The following FBXL7 variants were observed in gnomAD, a reference collection of about 807,000 sequenced individuals.
FBXL7 encodes F-box and leucine rich repeat protein 7, also known as F-box/LRR-repeat protein 7.
A neutral mutation model predicts 38.3 loss-of-function variants in FBXL7; 12 were observed. The observed-to-expected ratio is 0.31, with a 90% confidence interval of 0.20 to 0.51. The LOEUF is 0.51. Ranked by LOEUF, FBXL7 falls within the 20% of genes least tolerant of loss-of-function variation. The probability of loss-of-function intolerance (pLI) is 0.98; values close to 1 mark genes in which losing one functional copy is unlikely to be tolerated. For missense variants in FBXL7, 567 were observed against 676.4 expected (o/e 0.84, Z 1.79); for synonymous variants, 297 against 300.9 (o/e 0.99, Z 0.13).
intron 2 of FBXL7, among the ~76,000 whole-genome samples, chr5:15,750,116 A>G (rs922996604): frequency 2.0e-5 from 3 of 152,194 alleles, no homozygotes; most frequent in Non-Finnish European, 4.4e-5. Context: ...CTTTGTGTCT[A>G]TTTTAGGTGC....
chr5:15,780,674 T>C (rs1429321262), intron 2 of FBXL7, among the ~76,000 whole-genome samples: 2 of 152,196 alleles, frequency 1.3e-5, no homozygotes, highest in Admixed American at 1.3e-4. Flanking sequence ...TGGAATTCTC[T>C]ACAGAAAATT....
intron 1 of FBXL7, among the ~76,000 whole-genome samples, chr5:15,579,994 T>C (rs1739085219): frequency 6.6e-6 from 1 of 152,204 alleles, no homozygotes; most frequent in Non-Finnish European, 1.5e-5. Flanking sequence ...GGGCATTTTA[T>C]TGGTTCCACT....
At chr5:15,870,566 G>C (rs1470983138) in intron 2 of FBXL7, among the ~76,000 whole-genome samples, 2 of 152,112 alleles carry the variant, frequency 1.3e-5, no homozygotes, top group Admixed American at 1.3e-4. Context: ...AAGATGGTGG[G>C]GGGATTACTC....
intron 2 of FBXL7, among the ~76,000 whole-genome samples, chr5:15,702,258 C>T (rs942864219): frequency 1.3e-5 from 2 of 148,812 alleles, no homozygotes; most frequent in East Asian, 4.0e-4. Flanking sequence ...AAAAAATTCA[C>T]AGCTCTGTGA....
chr5:15,540,749 C>T (rs981094082), intron 1 of FBXL7, among the ~76,000 whole-genome samples: 5 of 152,062 alleles, frequency 3.3e-5, no homozygotes, highest in African/African-American at 1.2e-4. Context: ...TGCCAGGTTG[C>T]AGATTGCTAT....
intron 2 of FBXL7, among the ~76,000 whole-genome samples, chr5:15,926,487 A>G (rs1289632819): frequency 6.7e-6 from 1 of 149,810 alleles, no homozygotes; most frequent in South Asian, 2.1e-4. Flanking sequence ...TATAATATAC[A>G]TTGGATATTA....
Position 15,937,023 on chromosome 5 carries a change from G to C in FBXL7, c.1313G>C (p.Cys438Ser). Residue 438 changes from cysteine (C) to serine (S), a missense_variant, in exon 4 of 4, where the codon TGC becomes TCC. Physicochemically the swap from Cys to Ser is moderately radical, Grantham distance 112. Transcript: ENST00000504595. The stretch of plus-strand genomic sequence containing the variant: ...CTCAAGCGGCTCAGCCTCAAGTCCT[G>C]CGAGAGCATCACCGGCCAGGGCTTG... ...FNLKRLSLKS[C>S]ESITGQGLQI... 6.2e-7 allele frequency: 1 copy of C among 1,614,008 alleles called. No individual in the cohort carries two copies.
intron 1 of FBXL7, among the ~76,000 whole-genome samples, chr5:15,538,484 T>C (rs1420933638): frequency 2.0e-5 from 3 of 152,194 alleles, no homozygotes; most frequent in Non-Finnish European, 4.4e-5. Context: ...TTGTGTCTTG[T>C]ACACAACACA....
At chr5:15,504,043 A>G (rs187413233) in intron 1 of FBXL7, among the ~76,000 whole-genome samples, 37 of 152,364 alleles carry the variant, frequency 2.4e-4, no homozygotes, top group Non-Finnish European at 4.0e-4. Flanking sequence ...CGCTATCCGC[A>G]TCACCTGGGA....
At chr5:15,789,358 C>T (rs1366127014) in intron 2 of FBXL7, among the ~76,000 whole-genome samples, 2 of 152,116 alleles carry the variant, frequency 1.3e-5, no homozygotes, top group East Asian at 1.9e-4. Flanking sequence ...TAGGTCCTTC[C>T]GAATAACAGA....
intron 1 of FBXL7, chr5:15,501,625 C>T: frequency 1.0e-6 from 1 of 985,502 alleles, no homozygotes; most frequent in Non-Finnish European, 1.2e-6. Context: ...GAGGGGCCAG[C>T]GCTTGCAGAC....
intron 1 of FBXL7, among the ~76,000 whole-genome samples, chr5:15,523,347 A>G (rs1269478358): frequency 1.3e-5 from 2 of 152,184 alleles, no homozygotes; most frequent in Non-Finnish European, 2.9e-5. Flanking sequence ...TCACGAGGTC[A>G]GGAGATCGAG....
chr5:15,511,859 C>T (rs1244051979), intron 1 of FBXL7, among the ~76,000 whole-genome samples: 1 of 152,196 alleles, frequency 6.6e-6, no homozygotes, highest in Non-Finnish European at 1.5e-5. Context: ...CATCTCAAAA[C>T]ACAGGGCCAA....
At chr5:15,914,500 C>T (rs1242644325) in intron 2 of FBXL7, among the ~76,000 whole-genome samples, 1 of 151,716 alleles carries the variant, frequency 6.6e-6, no homozygotes, top group Non-Finnish European at 1.5e-5. Flanking sequence ...GTGATGTGGG[C>T]TGCATGAGAT....
At chr5:15,712,302 A>G (rs1449356040) in intron 2 of FBXL7, among the ~76,000 whole-genome samples, 1 of 151,260 alleles carries the variant, frequency 6.6e-6, no homozygotes, top group East Asian at 2.0e-4. Context: ...AAAAGATTAA[A>G]TACATAGGAT....
At chr5:15,635,040 T>C (rs1055874700) in intron 2 of FBXL7, among the ~76,000 whole-genome samples, 6 of 152,174 alleles carry the variant, frequency 3.9e-5, no homozygotes, top group Admixed American at 6.5e-5. Context: ...ATTTTTTTTT[T>C]TGGAGGGGGC....
At chr5:15,771,003 G>T (rs948578179) in intron 2 of FBXL7, among the ~76,000 whole-genome samples, 3 of 152,172 alleles carry the variant, frequency 2.0e-5, no homozygotes, top group Non-Finnish European at 4.4e-5. Flanking sequence ...CCTTTTAACG[G>T]AATTTCCACA....
intron 2 of FBXL7, among the ~76,000 whole-genome samples, chr5:15,765,965 T>C (rs999678752): frequency 6.6e-6 from 1 of 152,156 alleles, no homozygotes; most frequent in Admixed American, 6.6e-5. Context: ...AAATCAAGGT[T>C]CGTTCCCATA....
At chr5:15,816,843 AAATT>A (rs1423990406) in intron 2 of FBXL7, among the ~76,000 whole-genome samples, 1 of 152,196 alleles carries the variant, frequency 6.6e-6, no homozygotes, top group African/African-American at 2.4e-5. Context: ...TTTTCGGAGT[AAATT>A]AATCATATTA....
Sources: gnomAD v4.1 joint callset for allele counts (sites outside exome capture counted in the v4.1 genomes callset) on GRCh38, gnomAD v4.1.1 for gene constraint, MANE v1.5 for transcripts, NCBI Gene and HGNC (gene_info 2026-07-23, HGNC 2026-07-21) for gene names.